The following WWOX variants were observed in gnomAD, a reference collection of about 807,000 sequenced individuals.
The protein encoded by WWOX is WW domain-containing oxidoreductase.
In WWOX, 69 loss-of-function variants were observed where a neutral mutation model predicts 46.2. The ratio of observed to expected loss-of-function variants is 1.49; its 90% CI spans 1.23 to 1.82. WWOX has a LOEUF of 1.82. Ranked by LOEUF, WWOX falls within the 40% of genes most tolerant of loss-of-function variation. WWOX has a pLI of 0.00. For missense variants in WWOX, 919 were observed against 542.6 expected (o/e 1.69, Z -6.89); for synonymous variants, 359 against 202.6 (o/e 1.77, Z -6.56).
chr16:78,889,090 G>A (rs1206176473), intron 8 of WWOX, among the ~76,000 whole-genome samples: 1 of 152,030 alleles, frequency 6.6e-6, no homozygotes, highest in Non-Finnish European at 1.5e-5. Flanking sequence ...TCAACTCAGA[G>A]GTCAGCTTCA....
intron 8 of WWOX, among the ~76,000 whole-genome samples, chr16:79,132,157 CA>C (rs1567571765): frequency 1.3e-5 from 2 of 151,438 alleles, no homozygotes; most frequent in African/African-American, 4.9e-5. Context: ...CACACACACA[CA>C]CACACACACC....
At chr16:78,332,047 G>A (rs1264940706) in intron 5 of WWOX, among the ~76,000 whole-genome samples, 1 of 152,112 alleles carries the variant, frequency 6.6e-6, no homozygotes, top group Non-Finnish European at 1.5e-5. Flanking sequence ...CAGGGAGTCT[G>A]ATTACTGTTT....
In WWOX at chr16:78,927,490, C is replaced by T. The variant is rs952740530; in HGVS notation, c.1057-284118C>T. Among the ~76,000 whole-genome samples, 10 of 152,126 alleles carry T rather than the reference C, an allele frequency of 6.6e-5. No individual in the cohort carries two copies. In the East Asian group the frequency reaches 9.6e-4, roughly 15 times the overall value. ...CTCTTTTCATCCCCTTGCCTCAGCA[C>T]GGAGCCCAGAGCCAGACTGCAGGTA... On this transcript the variant is annotated intron_variant, in intron 8 of 8. Coordinates refer to ENST00000566780, the MANE Select transcript of WWOX (RefSeq NM_016373.4).
chr16:78,746,414 A>C (rs567269789), intron 8 of WWOX, among the ~76,000 whole-genome samples: 60 of 152,192 alleles, frequency 3.9e-4, no homozygotes, highest in African/African-American at 1.3e-3. Flanking sequence ...AGGAGGATCA[A>C]CTGAGCCCAG....
intron 8 of WWOX, among the ~76,000 whole-genome samples, chr16:78,969,753 C>T (rs369283546): frequency 2.2e-4 from 34 of 152,236 alleles, no homozygotes; most frequent in African/African-American, 7.9e-4. Flanking sequence ...TCACAAAGGA[C>T]CCTATGTTAT....
intron 8 of WWOX, among the ~76,000 whole-genome samples, chr16:78,488,889 A>G (rs1242737377): frequency 1.3e-5 from 2 of 151,558 alleles, no homozygotes; most frequent in Non-Finnish European, 2.9e-5. Context: ...AGTGGGCCAC[A>G]TCTGTTGTCA....
chr16:78,648,335 C>G (rs566874955), intron 8 of WWOX, among the ~76,000 whole-genome samples: 2 of 152,326 alleles, frequency 1.3e-5, no homozygotes, highest in African/African-American at 4.8e-5. Context: ...TGGGTGCTCA[C>G]TCCTTCATCA....
At chr16:78,513,129 G>A (rs2085403785) in intron 8 of WWOX, among the ~76,000 whole-genome samples, 1 of 152,088 alleles carries the variant, frequency 6.6e-6, no homozygotes. Context: ...CTCTCCGTTG[G>A]TCATGGCCCA....
chr16:78,436,371 G>A (rs1394141809), intron 8 of WWOX, among the ~76,000 whole-genome samples: 2 of 152,158 alleles, frequency 1.3e-5, no homozygotes, highest in Non-Finnish European at 2.9e-5. Flanking sequence ...TCATTTGTGA[G>A]GAAGCCGTAG....
At chr16:78,300,139 C>T (rs1434477757) in intron 5 of WWOX, among the ~76,000 whole-genome samples, 1 of 152,118 alleles carries the variant, frequency 6.6e-6, no homozygotes, top group African/African-American at 2.4e-5. Context: ...GAAGTCTGTT[C>T]AATTTTCTTT....
At chr16:78,952,476 A>T (rs2046081508) in intron 8 of WWOX, among the ~76,000 whole-genome samples, 1 of 149,194 alleles carries the variant, frequency 6.7e-6, no homozygotes, top group Admixed American at 6.7e-5. Context: ...TCCACCTCCC[A>T]GGTTCAGGCG....
At chr16:78,924,519 A>C (rs1458972812) in intron 8 of WWOX, among the ~76,000 whole-genome samples, 2 of 152,218 alleles carry the variant, frequency 1.3e-5, no homozygotes, top group Non-Finnish European at 2.9e-5. Context: ...TAATTTACTC[A>C]AGATTCTCTT....
At chr16:79,108,053 A>G (rs1490961229) in intron 8 of WWOX, among the ~76,000 whole-genome samples, 2 of 152,168 alleles carry the variant, frequency 1.3e-5, no homozygotes, top group Non-Finnish European at 2.9e-5. Flanking sequence ...TGACATTTAC[A>G]TTTTCTCCTT....
chr16:78,271,244 G>C (rs1710326304), intron 5 of WWOX, among the ~76,000 whole-genome samples: 1 of 152,248 alleles, frequency 6.6e-6, no homozygotes, highest in African/African-American at 2.4e-5. Context: ...GTCCACCTGA[G>C]TTTCAAATCT....
intron 8 of WWOX, among the ~76,000 whole-genome samples, chr16:79,180,754 TATCCATCC>T (rs747293532): frequency 3.3e-5 from 5 of 152,164 alleles, no homozygotes; most frequent in African/African-American, 9.7e-5. Context: ...TCTATTCATC[TATCCATCC>T]ATCCATCCAT....
At position 78,802,136 on chromosome 16, in the gene WWOX, G is replaced by C. The variant is rs147196552; in HGVS notation, c.1056+369384G>C. ...TGAATCTCACTCTTAGATCAGACGT[G>C]CTTTTGAAATATCCAGATATATACA... On this transcript the variant is annotated intron_variant, in intron 8 of 8. Coordinates refer to ENST00000566780, the MANE Select transcript of WWOX (RefSeq NM_016373.4). 1.0e-3 allele frequency among the ~76,000 whole-genome samples: 151 copies of C among 150,636 alleles called. 1 individual carries two copies. Among genetic ancestry groups the C allele is most frequent in the South Asian group, 4.0e-3 (19 of 4,760 alleles).
At chr16:78,375,293 G>A (rs142734151) in intron 5 of WWOX, among the ~76,000 whole-genome samples, 573 of 152,306 alleles carry the variant, frequency 3.8e-3, no homozygotes, top group Middle Eastern at 0.014. Flanking sequence ...CCGAGAGGCC[G>A]GCATTCAGCC....
intron 8 of WWOX, among the ~76,000 whole-genome samples, chr16:78,832,807 G>A (rs1363668144): frequency 6.6e-6 from 1 of 152,152 alleles, no homozygotes; most frequent in Admixed American, 6.5e-5. Context: ...AGCTTCTTCT[G>A]TGATATTCAT....
intron 8 of WWOX, among the ~76,000 whole-genome samples, chr16:78,775,277 G>T (rs1206488508): frequency 6.6e-6 from 1 of 152,172 alleles, no homozygotes; most frequent in Admixed American, 6.5e-5. Flanking sequence ...TTGTGGGTTT[G>T]AAATTTATGA....
Sources: allele counts gnomAD v4.1 joint callset (sites outside exome capture counted in the v4.1 genomes callset), GRCh38; gene constraint gnomAD v4.1.1; transcripts MANE v1.5; gene names NCBI Gene and HGNC (gene_info 2026-07-23, HGNC 2026-07-21).